PLXNA4: variants seen among roughly 807,000 people sequenced by gnomAD.
PLXNA4 encodes plexin-A4.
A neutral mutation model predicts 191.8 loss-of-function variants in PLXNA4; 44 were observed. The ratio of observed to expected loss-of-function variants is 0.23; its 90% confidence interval spans 0.18 to 0.29. The LOEUF is 0.29. Among genes scored for constraint, PLXNA4 ranks in the 10% least tolerant of loss-of-function variants. The pLI, the probability that PLXNA4 is intolerant of heterozygous loss-of-function variation, is 1.00. For missense variants in PLXNA4, 1,800 were observed against 2,488.8 expected, an observed-to-expected ratio of 0.72 and a Z score of 5.89; for synonymous variants, 1,082 against 1,009.5, an observed-to-expected ratio of 1.07 and a Z score of -1.36.
intron 30 of PLXNA4, among the ~76,000 whole-genome samples, chr7:132,138,381 C>A (rs1298637604): frequency 2.0e-5 from 3 of 152,134 alleles, no homozygotes; most frequent in Admixed American, 6.5e-5. Context: ...AATGGGGAGG[C>A]GGGAGATCAG....
chr7:132,507,901 A>G lies in PLXNA4; in HGVS notation c.793T>C (p.Ser265Pro), dbSNP rs1485624236. ...YFLTLQPEMV[S>P]PPGSTTKEQV... ...TCCTTGGTGGTGGAGCCTGGTGGAGACACCATCTCAGGTTGGAGGGTCAAA... is the reference window on the plus strand; with the variant it reads ...TCCTTGGTGGTGGAGCCTGGTGGAGGCACCATCTCAGGTTGGAGGGTCAAA... The change falls in exon 2 of 32, where the codon TCT (serine) becomes CCT (proline). Residue 265 changes from serine (S) to proline (P), a missense_variant. Coordinates refer to ENST00000321063, the MANE Select transcript of PLXNA4 (RefSeq NM_020911.2). 2 of 1,614,030 alleles carry G rather than the reference A, an allele frequency of 1.2e-6. No individual in the cohort carries two copies. The highest frequency in any genetic ancestry group is 1.7e-6 in the Non-Finnish European group (2 of 1,180,034).
rs1411156216 is a variant in PLXNA4, at chr7:132,124,423, T to C, written c.*6056A>G. 1 of 152,236 alleles carries C rather than the reference T, an allele frequency of 6.6e-6. No individual in the cohort carries two copies. Among genetic ancestry groups the C allele is most frequent in the African/African-American group, 2.4e-5 (1 of 41,460 alleles). The allele number at this position is 152,236 out of a possible 1,614,324, so 9.4% of individuals were successfully genotyped here. A position where few individuals can be genotyped will look rare whatever the true frequency, so the allele number is the denominator to read the frequency against. On this transcript the variant is annotated 3_prime_UTR_variant, in exon 32 of 32. Transcript: ENST00000321063. ...TGTTTGGTGAAGTGGTCTCGGTTTCTTAAGCGTCCTTTGGGTTGCTCTTTA... is the reference window on the plus strand; with the variant it reads ...TGTTTGGTGAAGTGGTCTCGGTTTCCTAAGCGTCCTTTGGGTTGCTCTTTA...
intron 5 of PLXNA4, among the ~76,000 whole-genome samples, 199 bp downstream of exon 5, chr7:132,240,867 G>A (rs571364432): frequency 2.0e-5 from 3 of 152,168 alleles, no homozygotes; most frequent in African/African-American, 4.8e-5. Flanking sequence ...TTTCTTAAGG[G>A]AATTTGGCAA....
intron 3 of PLXNA4, among the ~76,000 whole-genome samples, chr7:132,373,671 C>G (rs1804539306): frequency 6.6e-6 from 1 of 152,116 alleles, no homozygotes. Flanking sequence ...GGAAACAGCT[C>G]TTGGATGGTT....
chr7:132,202,509 T>A, intron 12 of PLXNA4, 137 bp downstream of exon 12: 1 of 905,336 alleles, frequency 1.1e-6, no homozygotes. Context: ...TAGGGTGCCA[T>A]CCAGCCAGGC....
intron 29 of PLXNA4, among the ~76,000 whole-genome samples, chr7:132,142,610 G>A (rs1192568513): frequency 6.6e-6 from 1 of 152,188 alleles, no homozygotes; most frequent in Non-Finnish European, 1.5e-5. Flanking sequence ...GACTCAGGCA[G>A]GCAGCATTGA....
At chr7:132,298,293 G>C in intron 3 of PLXNA4, 71 bp from the exon 4 acceptor site, 1 of 1,540,908 alleles carries the variant, frequency 6.5e-7, no homozygotes, top group South Asian at 1.3e-5. Context: ...TTCAGCCAAA[G>C]ACCCTGTCAA....
chr7:132,266,706 C>T (rs1393226812), intron 4 of PLXNA4, among the ~76,000 whole-genome samples: 5 of 152,212 alleles, frequency 3.3e-5, no homozygotes, highest in Admixed American at 1.3e-4. Flanking sequence ...CAACCAGCAA[C>T]GTGCTTACTG....
At chr7:132,172,516 A>T (rs934778235) in intron 21 of PLXNA4, among the ~76,000 whole-genome samples, 2 of 152,292 alleles carry the variant, frequency 1.3e-5, no homozygotes, top group Non-Finnish European at 2.9e-5. Flanking sequence ...GTTTGGATTA[A>T]TCAATGGCTT....
Position 132,507,786 on chromosome 7 carries a change from C to A in PLXNA4, c.908G>T (p.Ser303Ile), listed in dbSNP as rs760532980. The A allele has an allele frequency of 6.2e-7, 1 of 1,614,170 alleles. No individual in the cohort carries two copies. Among genetic ancestry groups the A allele is most frequent in the African/African-American group, 1.3e-5 (1 of 75,066 alleles). ...CTGCAGCAGGCGGTACTCCACCCCACTGCGCTCACAGCCAATGGGCACCTC... is the reference window on the plus strand; with the variant it reads ...CTGCAGCAGGCGGTACTCCACCCCAATGCGCTCACAGCCAATGGGCACCTC... ...YVEVPIGCER[S>I]GVEYRLLQAA... Residue 303 changes from serine to isoleucine, a missense_variant, in exon 2 of 32, where the codon AGT (serine) becomes ATT (isoleucine). By Grantham distance (142) the Ser-to-Ile change is moderately radical. Around this residue, in one of 6 missense-constraint regions of PLXNA4, gnomAD observed 1,397 missense variants for 1,880.4 expected, o/e 0.74. Coordinates refer to ENST00000321063, the MANE Select transcript of PLXNA4 (RefSeq NM_020911.2).
chr7:132,366,967 G>A (rs569979354), intron 3 of PLXNA4, among the ~76,000 whole-genome samples: 7 of 152,134 alleles, frequency 4.6e-5, no homozygotes, highest in South Asian at 2.1e-4. Flanking sequence ...ACAGGTTCTC[G>A]CTATGTTGTC....
chr7:132,527,053 T>C (rs147465271), intron 1 of PLXNA4, among the ~76,000 whole-genome samples: 54 of 152,334 alleles, frequency 3.5e-4, no homozygotes, highest in African/African-American at 1.2e-3. Flanking sequence ...TAAATCCTGT[T>C]AAATGTCCAG....
intron 3 of PLXNA4, among the ~76,000 whole-genome samples, chr7:132,367,118 G>C (rs377420850): frequency 6.6e-6 from 1 of 152,186 alleles, no homozygotes; most frequent in South Asian, 2.1e-4. Context: ...AGATTACCTG[G>C]AAATGAAACT....
intron 4 of PLXNA4, among the ~76,000 whole-genome samples, chr7:132,262,717 T>C (rs1359901744): frequency 6.6e-6 from 1 of 152,158 alleles, no homozygotes; most frequent in Non-Finnish European, 1.5e-5. Context: ...CACCATCTGC[T>C]TTGGATGGCA....
intron 1 of PLXNA4, among the ~76,000 whole-genome samples, chr7:132,646,344 A>G (rs567496669): frequency 2.0e-5 from 3 of 152,108 alleles, no homozygotes; most frequent in Non-Finnish European, 4.4e-5. Context: ...GCTCATGGGA[A>G]GTCTCTTTTG....
rs181972069 is a variant in PLXNA4, at chr7:132,644,877, C to G, written c.-87+1051G>C. ...TCTCAAGGCCCACCTCCCTCTCTCT[C>G]TCATACTTCCCAAACCAACTGCCAA... On this transcript the variant is annotated intron_variant, in intron 2 of 4. Transcript: ENST00000378539. 1.3e-3 allele frequency among the ~76,000 whole-genome samples: 201 copies of G among 152,332 alleles called. 1 individual carries two copies. The highest frequency in any genetic ancestry group is 4.5e-3 in the African/African-American group (189 of 41,578).
At chr7:132,440,337 G>A (rs1297328178) in intron 3 of PLXNA4, among the ~76,000 whole-genome samples, 5 of 152,114 alleles carry the variant, frequency 3.3e-5, no homozygotes, top group African/African-American at 7.2e-5. Flanking sequence ...ACTACGACAC[G>A]CAACCAGCAA....
intron 3 of PLXNA4, among the ~76,000 whole-genome samples, chr7:132,461,519 T>C (rs1430212030): frequency 1.3e-5 from 2 of 152,072 alleles, no homozygotes. Flanking sequence ...ATAATAATAG[T>C]GATAATAAAA....
At position 132,241,063 on chromosome 7, in the gene PLXNA4, C is replaced by A; in HGVS notation, c.1604+3G>T. On this transcript the variant is annotated splice_donor_region_variant and intron_variant, in intron 5 of 31. Transcript: ENST00000321063. ...CACGAGGCAGCCTCCCCATGGTACT[C>A]ACGTGTTGTGCAGCACACACCAGCC... 6.3e-7 allele frequency: 1 copy of A among 1,598,920 alleles called. No individual in the cohort carries two copies. Among genetic ancestry groups the A allele is most frequent in the Non-Finnish European group, 8.5e-7 (1 of 1,170,336 alleles).
Sources: allele counts gnomAD v4.1 joint callset (sites outside exome capture counted in the v4.1 genomes callset), GRCh38; gene constraint gnomAD v4.1.1; regional missense constraint gnomAD v4.1.1; transcripts MANE v1.5; gene names NCBI Gene and HGNC (gene_info 2026-07-23, HGNC 2026-07-21).